PHF3: variants seen among roughly 807,000 people sequenced by gnomAD.
The protein encoded by PHF3 is PHD finger protein 3.
A neutral mutation model predicts 178.4 loss-of-function variants in PHF3; 41 were observed. That is an observed-to-expected ratio of 0.23 (90% CI 0.18 to 0.30). The LOEUF is 0.30. Ranked by LOEUF, PHF3 falls within the 10% of genes least tolerant of loss-of-function variation. PHF3 has a pLI of 1.00. For missense variants in PHF3, 2,346 were observed against 2,398.1 expected, an observed-to-expected ratio of 0.98 and a Z score of 0.45; for synonymous variants, 842 against 800.5, an observed-to-expected ratio of 1.05 and a Z score of -0.88.
rs1767954710 is a variant in PHF3, at chr6:63,712,142, T to C, written c.4554T>C (p.Gly1518=). 6.2e-7 allele frequency: 1 copy of C among 1,613,116 alleles called. No homozygotes were observed. The highest frequency in any genetic ancestry group is 1.3e-5 in the African/African-American group (1 of 74,812). Residue 1518 remains glycine, a synonymous_variant, in exon 16 of 16, where the codon GGT becomes GGC. Transcript: ENST00000262043. ...EKTDNVEVTD[G]ENKEIKVKVD... ...CAGATAATGTGGAAGTAACTGATGG[T>C]GAAAACAAGGAGATAAAAGTTAAAG...
chr6:63,658,014 G>T (rs943088221), intron 2 of PHF3, among the ~76,000 whole-genome samples: 1 of 152,156 alleles, frequency 6.6e-6, no homozygotes, highest in African/African-American at 2.4e-5. Flanking sequence ...TAAGTTCAGG[G>T]TTAAGAAAAT....
chr6:63,703,389 TAAAA>T, intron 10 of PHF3, 143 bp from the exon 11 acceptor site: 1 of 743,270 alleles, frequency 1.3e-6, no homozygotes, highest in Non-Finnish European at 2.1e-6. Context: ...TAAGAAATAG[TAAAA>T]AAAAACCAAA....
chr6:63,677,731 T>TA (rs1222447967), intron 2 of PHF3, among the ~76,000 whole-genome samples: 1 of 152,178 alleles, frequency 6.6e-6, no homozygotes, highest in Non-Finnish European at 1.5e-5. Flanking sequence ...TAATGAAGGT[T>TA]AAAAAACAAC....
rs1451705810 is a variant in PHF3, at chr6:63,698,361, T to C, written c.2819T>C (p.Met940Thr). Reference protein sequence around the residue: ...SVRHSLKDILMKRLTDSNLKV... With the variant: ...SVRHSLKDILTKRLTDSNLKV... ...AGACATTCTCTCAAAGACATTCTTA[T>C]GAAGAGGTAACATATATTTTTATTA... The change falls in exon 7 of 16, where the codon ATG becomes ACG. Residue 940 changes from methionine to threonine, a missense_variant. Physicochemically the swap from Met to Thr is moderately conservative, Grantham distance 81. This residue lies in a region of PHF3 where 252 missense variants were observed against 232.0 expected (regional missense o/e 1.09). Transcript: ENST00000262043. The C allele has an allele frequency of 3.1e-6, 5 of 1,607,774 alleles. No individual in the cohort carries two copies.
chr6:63,638,182 A>G (rs1326933046), intron 1 of PHF3, among the ~76,000 whole-genome samples: 1 of 152,156 alleles, frequency 6.6e-6, no homozygotes, highest in Non-Finnish European at 1.5e-5. Context: ...TAAAATTTAA[A>G]TTTTATTGAG....
At chr6:63,678,182 C>T (rs1214060722) in intron 2 of PHF3, among the ~76,000 whole-genome samples, 1 of 150,336 alleles carries the variant, frequency 6.7e-6, no homozygotes, top group Admixed American at 6.6e-5. Context: ...AAGATCGCAC[C>T]ACTGCACTCC....
Position 63,670,299 on chromosome 6 carries a change from G to A in PHF3, c.245-9701G>A, listed in dbSNP as rs190215001. ...TTTTGCTTTTTTGAGATGGAGTCTCGCTCTTAACGCCCAGGCTGGACTGCA... is the reference window on the plus strand; with the variant it reads ...TTTTGCTTTTTTGAGATGGAGTCTCACTCTTAACGCCCAGGCTGGACTGCA... On this transcript the variant is annotated intron_variant, in intron 2 of 15. Coordinates refer to ENST00000262043, the MANE Select transcript of PHF3 (RefSeq NM_001370348.2). Among the ~76,000 whole-genome samples the A allele has an allele frequency of 2.3e-3, 347 of 152,114 alleles. 1 individual carries two copies. The South Asian group carries it at 0.042, about 19-fold the overall frequency.
chr6:63,667,069 C>A (rs1471774555), intron 2 of PHF3, among the ~76,000 whole-genome samples: 1 of 151,908 alleles, frequency 6.6e-6, no homozygotes, highest in Non-Finnish European at 1.5e-5. Context: ...GGTCTCGAAC[C>A]CCTGGGCTCA....
intron 2 of PHF3, among the ~76,000 whole-genome samples, chr6:63,659,239 C>T (rs1561946417): frequency 6.6e-6 from 1 of 151,904 alleles, no homozygotes; most frequent in Admixed American, 6.6e-5. Context: ...ATGTTGTACA[C>T]CATAAACATA....
intron 5 of PHF3, among the ~76,000 whole-genome samples, chr6:63,693,390 C>T (rs368432084): frequency 2.0e-5 from 3 of 152,100 alleles, no homozygotes; most frequent in Non-Finnish European, 2.9e-5. Flanking sequence ...CTGAGGTGGG[C>T]GGATCGCCTG....
chr6:63,687,199 A>G (rs1211826867), intron 4 of PHF3, among the ~76,000 whole-genome samples: 3 of 152,106 alleles, frequency 2.0e-5, no homozygotes, highest in Non-Finnish European at 4.4e-5. Context: ...GGCGGTAGGC[A>G]GATCACTTGA....
At position 63,711,393 on chromosome 6, in the gene PHF3, A is replaced by G. The variant is rs774133530; in HGVS notation, c.3997+31A>G. On this transcript the variant is annotated intron_variant, in intron 15 of 15. Transcript: ENST00000262043. Reference sequence around the variant, plus strand: ...TATACGTTTTAATAATAGGATAAGAATGAAATAACATGGGAGGTGGGACCA... The same window carrying G: ...TATACGTTTTAATAATAGGATAAGAGTGAAATAACATGGGAGGTGGGACCA... The G allele has an allele frequency of 3.9e-6, 6 of 1,521,448 alleles. No individual in the cohort carries two copies. In the South Asian group the frequency reaches 4.9e-5, roughly 12 times the overall value. 94.2% of individuals were successfully genotyped at this position (1,521,448 alleles called of 1,614,324 possible). A position where few individuals can be genotyped will look rare whatever the true frequency, so the allele number is the denominator to read the frequency against.
Position 63,684,433 on chromosome 6 carries a change from G to A in PHF3, c.711G>A (p.Lys237=). 1 of 1,614,020 alleles carries A rather than the reference G, an allele frequency of 6.2e-7. No individual in the cohort carries two copies. The highest frequency in any genetic ancestry group is 2.2e-5 in the East Asian group (1 of 44,874). Residue 237 remains lysine (K), a synonymous_variant, in exon 4 of 16, where the codon AAG becomes AAA. Coordinates refer to ENST00000262043, the MANE Select transcript of PHF3 (RefSeq NM_001370348.2). The part of the protein sequence containing the change: ...EMKDEDGLDS[K]HKCNNPGEID... Reference sequence around the variant, plus strand: ...AGGATGAAGATGGATTAGATTCTAAGCATAAGTGTAATAATCCGGGAGAAA... The same window carrying A: ...AGGATGAAGATGGATTAGATTCTAAACATAAGTGTAATAATCCGGGAGAAA...
At chr6:63,688,824 C>T (rs947063869) in intron 4 of PHF3, among the ~76,000 whole-genome samples, 2 of 152,026 alleles carry the variant, frequency 1.3e-5, no homozygotes, top group African/African-American at 4.8e-5. Flanking sequence ...AATTTTGATC[C>T]TTCTCTTTGA....
At chr6:63,643,366 T>C (rs1764656738) in intron 1 of PHF3, among the ~76,000 whole-genome samples, 2 of 152,218 alleles carry the variant, frequency 1.3e-5, no homozygotes, top group Non-Finnish European at 2.9e-5. Context: ...GGCTACATGC[T>C]GTTCATTTTT....
chr6:63,684,090 T>C, intron 3 of PHF3, 39 bp from the exon 4 acceptor site: 2 of 1,421,452 alleles, frequency 1.4e-6, no homozygotes, highest in Non-Finnish European at 1.9e-6. Context: ...CATGACAAAA[T>C]AGCTAAGTAT....
chr6:63,636,217 C>G (rs553301317), intron 1 of PHF3, 67 bp downstream of exon 1: 31 of 343,722 alleles, frequency 9.0e-5, no homozygotes, highest in African/African-American at 5.9e-4. Flanking sequence ...CCCTTCCACA[C>G]GCACAGCGCC....
At chr6:63,656,514 C>A (rs1765241138) in intron 2 of PHF3, among the ~76,000 whole-genome samples, 1 of 152,124 alleles carries the variant, frequency 6.6e-6, no homozygotes, top group Non-Finnish European at 1.5e-5. Context: ...TGTGCTGTTA[C>A]AAGAGACTTC....
chr6:63,673,188 A>T (rs1162109477), intron 2 of PHF3, among the ~76,000 whole-genome samples: 1 of 152,152 alleles, frequency 6.6e-6, no homozygotes, highest in Admixed American at 6.6e-5. Context: ...GGCTAACAGC[A>T]GAAACAGCAC....
Sources: allele counts gnomAD v4.1 joint callset (sites outside exome capture counted in the v4.1 genomes callset), GRCh38; gene constraint gnomAD v4.1.1; regional missense constraint gnomAD v4.1.1; transcripts MANE v1.5; gene names NCBI Gene and HGNC (gene_info 2026-07-23, HGNC 2026-07-21).